LTBP2: variants seen among roughly 807,000 people sequenced by gnomAD.
LTBP2 encodes the protein latent transforming growth factor beta binding protein 2.
Under a neutral mutation model 210.6 loss-of-function variants are expected in LTBP2, and 103 were observed. The ratio of observed to expected loss-of-function variants is 0.49; its 90% CI spans 0.42 to 0.58. The LOEUF (loss-of-function observed/expected upper bound fraction) is 0.58. Ranked by LOEUF, LTBP2 falls within the 20% of genes least tolerant of loss-of-function variation. The pLI, the probability that LTBP2 is intolerant of heterozygous loss-of-function variation, is 0.00. For synonymous variants in LTBP2, 1,007 were observed against 1,015.0 expected (o/e 0.99, Z 0.15); for missense variants, 2,313 against 2,494.5 (o/e 0.93, Z 1.55).
intron 7 of LTBP2, among the ~76,000 whole-genome samples, chr14:74,550,506 A>G (rs1011505903): frequency 6.6e-6 from 1 of 151,902 alleles, no homozygotes; most frequent in Non-Finnish European, 1.5e-5. Flanking sequence ...CCCAAGAAAA[A>G]CCATACTGGG....
intron 2 of LTBP2, among the ~76,000 whole-genome samples, chr14:74,596,270 A>G (rs576386337): frequency 9.3e-6 from 1 of 107,156 alleles, no homozygotes; most frequent in Non-Finnish European, 2.0e-5. Flanking sequence ...AATAAAAATT[A>G]AAAACAAAGA....
chr14:74,501,926 G>A (rs1451663588), intron 34 of LTBP2: 4 of 409,438 alleles, frequency 9.8e-6, no homozygotes, highest in Non-Finnish European at 1.8e-5. Context: ...TTTGGGCGTG[G>A]GGAAGGGGTG....
At position 74,498,203 on chromosome 14, in the gene LTBP2, T is replaced by G; in HGVS notation, c.*2681A>C. 5.7e-6 allele frequency: 1 copy of G among 175,532 alleles called. No individual in the cohort carries two copies. The allele number at this position is 175,532 out of a possible 1,614,324, so 10.9% of individuals were successfully genotyped here. A position where few individuals can be genotyped will look rare whatever the true frequency, so the allele number is the denominator to read the frequency against. ...GCAACTGTATTTAAAAATATTTTAT[T>G]TTTTTTGAATAGGTGATACATATGG... On this transcript the variant is annotated 3_prime_UTR_variant, in exon 36 of 36. Coordinates refer to ENST00000261978, the MANE Select transcript of LTBP2 (RefSeq NM_000428.3).
rs142884502 is a variant in LTBP2, at chr14:74,606,439, C to T, written c.495-2734G>A. On this transcript the variant is annotated intron_variant, in intron 1 of 35. Transcript: ENST00000261978. ...CCCAGTTACCCTATGGATTTCACTT[C>T]GATGCCTTTGCCTGGGCTGCTCTCT... Among the ~76,000 whole-genome samples the T allele has an allele frequency of 7.5e-4, 114 of 152,352 alleles. 2 individuals carry two copies. The East Asian group carries it at 0.018, about 24-fold the overall frequency.
intron 6 of LTBP2, among the ~76,000 whole-genome samples, chr14:74,551,805 T>C (rs2087661123): frequency 6.6e-6 from 1 of 152,126 alleles, no homozygotes; most frequent in Non-Finnish European, 1.5e-5. Flanking sequence ...CCTAAAGCAT[T>C]CTGTATTTTT....
intron 3 of LTBP2, among the ~76,000 whole-genome samples, chr14:74,572,916 TC>T (rs2088004532): frequency 6.6e-6 from 1 of 152,178 alleles, no homozygotes; most frequent in African/African-American, 2.4e-5. Context: ...CCTCTTCCTT[TC>T]AAACAAAAAT....
chr14:74,586,612 G>A lies in LTBP2; in HGVS notation c.566-494C>T, dbSNP rs973011971. Among the ~76,000 whole-genome samples the A allele has an allele frequency of 4.0e-4, 61 of 152,258 alleles. No homozygotes were observed. Among genetic ancestry groups the A allele is most frequent in the African/African-American group, 1.4e-3 (58 of 41,530 alleles). ...AAATTCAAGCGGTTTGAGTTGCTGG[G>A]GTTTTCCTGTCACTTGTGAGCTGCA... On this transcript the variant is annotated intron_variant, in intron 2 of 35. Transcript: ENST00000261978. The surrounding 1 kb of genome is among the most constrained non-coding windows in gnomAD (Gnocchi z 4.6).
rs554538883 is a variant in LTBP2 at position 74,521,423 on chromosome 14, G to A, written c.2788+488C>T. ...TTTATCAAGGGTCCCCTGGCAGTGG[G>A]CCACATCACATCTTCCCAGGGAAGT... On this transcript the variant is annotated intron_variant, in intron 17 of 35. Coordinates refer to ENST00000261978, the MANE Select transcript of LTBP2 (RefSeq NM_000428.3). Among the ~76,000 whole-genome samples, 40 of 92,224 alleles carry A rather than the reference G, an allele frequency of 4.3e-4. No homozygotes were observed. In the East Asian group the frequency reaches 6.6e-3, roughly 15 times the overall value. The allele number at this position is 92,224 out of a possible 152,430, so 60.5% of individuals were successfully genotyped here.
chr14:74,510,140 G>C lies in LTBP2; in HGVS notation c.3102C>G (p.Cys1034Trp). The change falls in exon 20 of 36, where the codon TGC becomes TGG. Residue 1034 changes from cysteine (C) to tryptophan (W), a missense_variant. Cys to Trp is a radical substitution (Grantham distance 215). Transcript: ENST00000261978. ...KCTNLEGSFR[C>W]SCEQGYEVTS... ...TGACCTCATAGCCCTGCTCACAAGAGCATCTGAAGGAGCCTTCTAGGTTGG... is the reference window on the plus strand; with the variant it reads ...TGACCTCATAGCCCTGCTCACAAGACCATCTGAAGGAGCCTTCTAGGTTGG... 1 of 1,614,154 alleles carries C rather than the reference G, an allele frequency of 6.2e-7. No homozygotes were observed. Among genetic ancestry groups the C allele is most frequent in the Non-Finnish European group, 8.5e-7 (1 of 1,180,022 alleles).
rs370538158 is a variant in LTBP2, at chr14:74,601,777, G to A, written c.565+1858C>T. On this transcript the variant is annotated intron_variant, in intron 2 of 35. Transcript: ENST00000261978. Reference sequence around the variant, plus strand: ...TTATCATACGTTATCATAGAATAACGTATGATGTTCCCAGATGAAGGCATC... The same window carrying A: ...TTATCATACGTTATCATAGAATAACATATGATGTTCCCAGATGAAGGCATC... Among the ~76,000 whole-genome samples, 182 of 152,300 alleles carry A rather than the reference G, an allele frequency of 1.2e-3. 2 individuals carry two copies. Among genetic ancestry groups the A allele is most frequent in the African/African-American group, 4.2e-3 (176 of 41,580 alleles).
intron 3 of LTBP2, chr14:74,559,928 T>C (rs139230412): frequency 1.3e-5 from 2 of 152,306 alleles, no homozygotes; most frequent in African/African-American, 4.8e-5. Flanking sequence ...CTCCATCTAC[T>C]ATCAGCCTTG....
chr14:74,536,803 G>A (rs959331534), intron 8 of LTBP2, among the ~76,000 whole-genome samples: 13 of 152,154 alleles, frequency 8.5e-5, no homozygotes, highest in East Asian at 1.9e-4. Flanking sequence ...CTGAGGTTGC[G>A]CCACTGCACT....
intron 8 of LTBP2, among the ~76,000 whole-genome samples, chr14:74,547,741 C>A (rs1212350927): frequency 6.6e-6 from 1 of 152,056 alleles, no homozygotes; most frequent in South Asian, 2.1e-4. Context: ...CCTTGGTCAG[C>A]GCAGCAGGTA....
intron 3 of LTBP2, among the ~76,000 whole-genome samples, chr14:74,567,428 GC>G (rs2087919342): frequency 6.6e-6 from 1 of 152,204 alleles, no homozygotes. Context: ...AGCTGCCTGG[GC>G]ACTGGGCTCA....
rs1566660540 is a variant in LTBP2, at chr14:74,611,668, C to T, written c.277G>A (p.Gly93Arg). 1.3e-6 allele frequency: 2 copies of T among 1,561,460 alleles called. No individual in the cohort carries two copies. The highest frequency in any genetic ancestry group is 2.7e-5 in the African/African-American group (2 of 73,852). ...QPVERAQPGW[G>R]SPRRPTEAEA... Reference sequence around the variant, plus strand: ...GCCTCGGTGGGCCTCCTGGGGCTCCCCCAGCCCGGCTGGGCCCGCTCCACG... The same window carrying T: ...GCCTCGGTGGGCCTCCTGGGGCTCCTCCAGCCCGGCTGGGCCCGCTCCACG... The change falls in exon 1 of 36, where the codon GGG (glycine) becomes AGG (arginine). Residue 93 changes from glycine (G) to arginine (R), a missense_variant. Physicochemically the swap from Gly to Arg is moderately radical, Grantham distance 125. This residue lies in a region of LTBP2 where 1,867 missense variants were observed against 1,976.9 expected (regional missense o/e 0.94). Coordinates refer to ENST00000261978, the MANE Select transcript of LTBP2 (RefSeq NM_000428.3).
At chr14:74,509,933 G>T in intron 20 of LTBP2, 74 bp from the exon 21 acceptor site, 1 of 1,612,184 alleles carries the variant, frequency 6.2e-7, no homozygotes. Flanking sequence ...GTAGGCAGGG[G>T]TGGGGGAAGG....
chr14:74,566,195 C>T (rs949072820), intron 3 of LTBP2, among the ~76,000 whole-genome samples: 35 of 152,204 alleles, frequency 2.3e-4, no homozygotes, highest in Middle Eastern at 6.8e-3. Flanking sequence ...TTATGACTTC[C>T]AGGTGTTCTG....
At chr14:74,528,374 C>T in intron 12 of LTBP2, 109 bp downstream of exon 12, 2 of 1,279,536 alleles carry the variant, frequency 1.6e-6, no homozygotes, top group Non-Finnish European at 2.3e-6. Flanking sequence ...TTCCTAATGC[C>T]ACAGAGATGG....
rs1422517644 is a variant in LTBP2, at chr14:74,498,726, T to C, written c.*2158A>G. On this transcript the variant is annotated 3_prime_UTR_variant, in exon 36 of 36. Coordinates refer to ENST00000261978, the MANE Select transcript of LTBP2 (RefSeq NM_000428.3). The stretch of plus-strand genomic sequence containing the variant: ...ATTTGGGGGATGGTAAGTTCTCCGA[T>C]GGTGAGGTATAAGGCGGAGTGGCAA... The C allele has an allele frequency of 1.3e-5, 3 of 232,098 alleles. No homozygotes were observed. Among genetic ancestry groups the C allele is most frequent in the Non-Finnish European group, 2.6e-5 (3 of 117,410 alleles). The allele number at this position is 232,098 out of a possible 1,614,324, so 14.4% of individuals were successfully genotyped here.
Sources: allele counts gnomAD v4.1 joint callset (sites outside exome capture counted in the v4.1 genomes callset), GRCh38; gene constraint gnomAD v4.1.1; regional missense constraint gnomAD v4.1.1; non-coding constraint Gnocchi (gnomAD v3.1); transcripts MANE v1.5; gene names NCBI Gene and HGNC (gene_info 2026-07-23, HGNC 2026-07-21).